The following JADE2 variants were observed in gnomAD, a reference collection of about 807,000 sequenced individuals.
The protein encoded by JADE2 is jade family PHD finger 2.
A neutral mutation model predicts 85.7 loss-of-function variants in JADE2; 13 were observed. That is an observed-to-expected ratio of 0.15 (90% CI 0.10 to 0.24). The LOEUF is 0.24. JADE2 is among the 10% of genes least tolerant of loss of function. The pLI is 1.00. For synonymous variants in JADE2, 440 were observed against 456.1 expected (o/e 0.96, Z 0.45); for missense variants, 846 against 1,115.9 (o/e 0.76, Z 3.45).
intron 9 of JADE2, among the ~76,000 whole-genome samples, chr5:134,570,465 C>T (rs1763920377): frequency 6.6e-6 from 1 of 152,188 alleles, no homozygotes; most frequent in Non-Finnish European, 1.5e-5. Flanking sequence ...AATCCTCCCT[C>T]CCTATTTCCC....
At chr5:134,541,422 T>C (rs1761956078) in intron 3 of JADE2, among the ~76,000 whole-genome samples, 1 of 152,224 alleles carries the variant, frequency 6.6e-6, no homozygotes, top group Non-Finnish European at 1.5e-5. Flanking sequence ...ACTGCTCTCT[T>C]CTCTTTCTGT....
Position 134,578,663 on chromosome 5 carries a change from G to A in JADE2, c.1851G>A (p.Glu617=). 1 of 1,614,108 alleles carries A rather than the reference G, an allele frequency of 6.2e-7. No homozygotes were observed. Among genetic ancestry groups the A allele is most frequent in the Non-Finnish European group, 8.5e-7 (1 of 1,180,032 alleles). The change falls in exon 12 of 12, where the codon GAG becomes GAA. Residue 617 remains glutamate, a synonymous_variant. Coordinates refer to ENST00000681547, the MANE Select transcript of JADE2 (RefSeq NM_001388185.1). The surrounding 1 kb of genome is among the most constrained non-coding windows in gnomAD (Gnocchi z 4.4). ...TGTCAGAGGAACTGCTGCAGGACGA[G>A]GAGACACTGCTCAGCTTCATGCGGG... ...GLLSEELLQD[E]ETLLSFMRDP... is the part of the protein sequence containing the mutation.
chr5:134,533,699 G>C, intron 1 of JADE2: 2 of 249,958 alleles, frequency 8.0e-6, no homozygotes, highest in Non-Finnish European at 1.2e-5. Context: ...AGAATCAGGA[G>C]TCAGGATTCT....
chr5:134,556,763 C>T (rs558536761), intron 4 of JADE2, among the ~76,000 whole-genome samples: 16 of 141,046 alleles, frequency 1.1e-4, no homozygotes, highest in Admixed American at 6.4e-4. Context: ...CACATGCACA[C>T]GCACGCACAC....
In JADE2 at chr5:134,581,281, C is replaced by G. The variant is rs959819243; in HGVS notation, c.*1964C>G. 6.6e-6 allele frequency: 1 copy of G among 152,664 alleles called. No individual in the cohort carries two copies. Among genetic ancestry groups the G allele is most frequent in the African/African-American group, 2.4e-5 (1 of 41,430 alleles). The allele number at this position is 152,664 out of a possible 1,614,324, so 9.5% of individuals were successfully genotyped here. On this transcript the variant is annotated 3_prime_UTR_variant, in exon 12 of 12. Coordinates refer to ENST00000681547, the MANE Select transcript of JADE2 (RefSeq NM_001388185.1). The stretch of plus-strand genomic sequence containing the variant: ...TGCCTGCCCGCCTTGGTAGTAGTGA[C>G]CAGTCAGTGTCAGCATCAGTGTCCC...
rs557671213 is a variant in JADE2 at position 134,540,471 on chromosome 5, C to T, written c.153+2388C>T. Among the ~76,000 whole-genome samples, 7 of 151,160 alleles carry T rather than the reference C, an allele frequency of 4.6e-5. No individual in the cohort carries two copies. The South Asian group carries it at 1.3e-3, about 27-fold the overall frequency. On this transcript the variant is annotated intron_variant, in intron 3 of 11. Transcript: ENST00000681547. ...CTTGTCTCAAACTCCTGAGCTCAGG[C>T]GATCCTCCCACCTTGGCCTCCCAAA...
intron 11 of JADE2, 52 bp downstream of exon 11, chr5:134,576,948 C>T (rs1334411481): frequency 2.0e-6 from 3 of 1,491,522 alleles, no homozygotes; most frequent in African/African-American, 1.4e-5. Context: ...ACCATCACCA[C>T]GCTTGCAGCT....
chr5:134,576,399 T>G (rs1448545888), intron 10 of JADE2, among the ~76,000 whole-genome samples: 1 of 152,108 alleles, frequency 6.6e-6, no homozygotes, highest in Non-Finnish European at 1.5e-5. Flanking sequence ...CAGGTAGTGT[T>G]CCTTCCACCT....
At chr5:134,556,273 G>C (rs1421299610) in intron 4 of JADE2, among the ~76,000 whole-genome samples, 1 of 152,222 alleles carries the variant, frequency 6.6e-6, no homozygotes, top group Admixed American at 6.5e-5. Flanking sequence ...CCAGCGGGGG[G>C]TGGGAAGAGC....
At chr5:134,560,047 C>G (rs1763234285) in intron 5 of JADE2, 57 bp downstream of exon 5, 1 of 1,596,456 alleles carries the variant, frequency 6.3e-7, no homozygotes, top group African/African-American at 1.3e-5. Context: ...GGTTTTCTCC[C>G]CATCCCGAGA....
intron 1 of JADE2, among the ~76,000 whole-genome samples, chr5:134,529,532 T>A (rs1464498383): frequency 6.6e-6 from 1 of 152,178 alleles, no homozygotes; most frequent in East Asian, 1.9e-4. Flanking sequence ...GCAAATGGGA[T>A]TAATAACAGT....
chr5:134,569,641 A>AC (rs1482730580), intron 9 of JADE2, among the ~76,000 whole-genome samples: 1 of 152,120 alleles, frequency 6.6e-6, no homozygotes, highest in Non-Finnish European at 1.5e-5. Context: ...TGGGAGCCTG[A>AC]CCTGGCCTGA....
intron 1 of JADE2, among the ~76,000 whole-genome samples, chr5:134,528,421 A>G (rs1761019208): frequency 6.6e-6 from 1 of 152,104 alleles, no homozygotes; most frequent in Non-Finnish European, 1.5e-5. Context: ...AGAGCCATCT[A>G]ACAAGCAGAG....
chr5:134,532,608 C>T (rs544202288), intron 1 of JADE2, among the ~76,000 whole-genome samples: 19 of 152,314 alleles, frequency 1.2e-4, no homozygotes, highest in Admixed American at 2.6e-4. Flanking sequence ...CTGAAATCTT[C>T]TCCCACAGCA....
rs1164625074 is a variant in JADE2, at chr5:134,574,138, A to G, written c.1552+376A>G. 3.3e-5 allele frequency: 11 copies of G among 332,998 alleles called. No individual in the cohort carries two copies. The East Asian group carries it at 9.4e-4, about 28-fold the overall frequency. The allele number at this position is 332,998 out of a possible 1,614,324, so 20.6% of individuals were successfully genotyped here. ...GGCCAGAAGCTGGTGAGCTTCCCTGAACCCTGGTGTGCCTGGGAGTCAGTT... is the reference window on the plus strand; with the variant it reads ...GGCCAGAAGCTGGTGAGCTTCCCTGGACCCTGGTGTGCCTGGGAGTCAGTT... On this transcript the variant is annotated intron_variant, in intron 10 of 11. Transcript: ENST00000681547.
chr5:134,571,203 T>C (rs957976215), intron 9 of JADE2, among the ~76,000 whole-genome samples: 4 of 152,230 alleles, frequency 2.6e-5, no homozygotes, highest in Non-Finnish European at 5.9e-5. Flanking sequence ...GTGTCAGGAC[T>C]CCACTCATAG....
At chr5:134,539,355 G>C (rs887040786) in intron 3 of JADE2, among the ~76,000 whole-genome samples, 1 of 152,008 alleles carries the variant, frequency 6.6e-6, no homozygotes, top group African/African-American at 2.4e-5. Flanking sequence ...GAGCCACCGC[G>C]CCCGGCCTAA....
chr5:134,529,900 C>G (rs1761119889), intron 1 of JADE2, among the ~76,000 whole-genome samples: 1 of 152,228 alleles, frequency 6.6e-6, no homozygotes, highest in African/African-American at 2.4e-5. Context: ...CAGAACTGGT[C>G]TGGAGGGTGG....
chr5:134,538,916 G>C (rs1463545698), intron 3 of JADE2, among the ~76,000 whole-genome samples: 1 of 151,588 alleles, frequency 6.6e-6, no homozygotes, highest in Non-Finnish European at 1.5e-5. Context: ...GAGTGCAGTG[G>C]CATGATCTCG....
Sources: allele counts gnomAD v4.1 joint callset (sites outside exome capture counted in the v4.1 genomes callset), GRCh38; gene constraint gnomAD v4.1.1; non-coding constraint Gnocchi (gnomAD v3.1); transcripts MANE v1.5; gene names NCBI Gene and HGNC (gene_info 2026-07-23, HGNC 2026-07-21).